CDH18: variants seen among roughly 807,000 people sequenced by gnomAD.
The protein encoded by CDH18 is cadherin 18.
Under a neutral mutation model 67.9 loss-of-function variants are expected in CDH18, and 31 were observed. That is an observed-to-expected ratio of 0.46 (90% confidence interval 0.34 to 0.62). CDH18 has a LOEUF of 0.62. Ranked by LOEUF, CDH18 falls within the 20% of genes least tolerant of loss-of-function variation. CDH18 has a pLI of 0.01. For synonymous variants in CDH18, 362 were observed against 347.2 expected, an observed-to-expected ratio of 1.04 and a Z score of -0.48; for missense variants, 890 against 975.5, an observed-to-expected ratio of 0.91 and a Z score of 1.17.
intron 5 of CDH18, among the ~76,000 whole-genome samples, chr5:19,669,020 C>T (rs1055056278): frequency 2.7e-5 from 4 of 150,446 alleles, no homozygotes; most frequent in Non-Finnish European, 5.9e-5. Flanking sequence ...AACACACACT[C>T]TGTGTCTATG....
intron 2 of CDH18, among the ~76,000 whole-genome samples, chr5:20,009,669 A>G (rs537065966): frequency 1.3e-5 from 2 of 152,290 alleles, no homozygotes; most frequent in East Asian, 1.9e-4. Flanking sequence ...AAAGAGGTTC[A>G]TGATAACAGG....
At chr5:20,517,414 C>A (rs969426011) in intron 1 of CDH18, among the ~76,000 whole-genome samples, 1 of 151,518 alleles carries the variant, frequency 6.6e-6, no homozygotes, top group African/African-American at 2.4e-5. Context: ...GAATAATAAA[C>A]ATTTTAGATA....
At chr5:20,042,497 AT>A (rs953629694) in intron 2 of CDH18, among the ~76,000 whole-genome samples, 6 of 152,042 alleles carry the variant, frequency 3.9e-5, no homozygotes, top group Admixed American at 2.6e-4. Context: ...GTCAGGAGAC[AT>A]TTTTTTTCAC....
intron 2 of CDH18, among the ~76,000 whole-genome samples, chr5:19,942,411 G>A (rs759261219): frequency 3.9e-5 from 6 of 152,176 alleles, no homozygotes; most frequent in Non-Finnish European, 8.8e-5. Flanking sequence ...CCATTTAGAA[G>A]TGTCTCTTTG....
chr5:20,142,665 C>T (rs918569954), intron 2 of CDH18, among the ~76,000 whole-genome samples: 27 of 151,758 alleles, frequency 1.8e-4, no homozygotes, highest in African/African-American at 6.5e-4. Flanking sequence ...TCATTAGTGT[C>T]CTTATAAAAA....
chr5:20,299,531 C>A (rs1308809491), intron 1 of CDH18, among the ~76,000 whole-genome samples: 1 of 151,754 alleles, frequency 6.6e-6, no homozygotes, highest in East Asian at 1.9e-4. Flanking sequence ...GAGCCCGATG[C>A]AGGCAGATCA....
At position 19,873,687 on chromosome 5, in the gene CDH18, G is replaced by A. The variant is rs547106274; in HGVS notation, c.-256-34445C>T. On this transcript the variant is annotated intron_variant, in intron 2 of 12. Coordinates refer to ENST00000382275, the MANE Select transcript of CDH18 (RefSeq NM_004934.5). ...TTTTGAGACAGAGTCTTGCTTTGTC[G>A]CCCAGGCTGGAGTGCAGTGGCACGA... Among the ~76,000 whole-genome samples the A allele has an allele frequency of 1.9e-3, 292 of 151,440 alleles. 1 individual carries two copies. Among genetic ancestry groups the A allele is most frequent in the African/African-American group, 6.5e-3 (268 of 41,230 alleles).
intron 1 of CDH18, among the ~76,000 whole-genome samples, chr5:20,541,750 A>C (rs1187113744): frequency 1.3e-5 from 2 of 152,198 alleles, no homozygotes; most frequent in Non-Finnish European, 1.5e-5. Context: ...GTAACTTTTA[A>C]AAGGAAATAA....
chr5:20,188,182 T>C (rs1404222334), intron 2 of CDH18, among the ~76,000 whole-genome samples: 1 of 151,984 alleles, frequency 6.6e-6, no homozygotes, highest in Admixed American at 6.6e-5. Context: ...TAAAGCCCCA[T>C]TTAATTAAAT....
At chr5:19,516,113 GTTT>G (rs2126867696) in intron 10 of CDH18, among the ~76,000 whole-genome samples, 1 of 152,176 alleles carries the variant, frequency 6.6e-6, no homozygotes, top group South Asian at 2.1e-4. Flanking sequence ...TAATTATGTG[GTTT>G]TTGTCTTTGG....
At chr5:20,479,032 C>T (rs950140343) in intron 1 of CDH18, among the ~76,000 whole-genome samples, 1 of 152,184 alleles carries the variant, frequency 6.6e-6, no homozygotes, top group Admixed American at 6.5e-5. Context: ...GCAAGAGTCA[C>T]AGCAGTACTG....
chr5:19,746,475 T>G (rs1006894444), intron 4 of CDH18, among the ~76,000 whole-genome samples: 2 of 152,232 alleles, frequency 1.3e-5, no homozygotes, highest in Non-Finnish European at 2.9e-5. Flanking sequence ...GTTGTATTGA[T>G]TAATGTAGCA....
intron 2 of CDH18, among the ~76,000 whole-genome samples, chr5:20,164,005 ACAACT>A (rs1486027708): frequency 6.6e-6 from 1 of 150,498 alleles, no homozygotes; most frequent in African/African-American, 2.5e-5. Flanking sequence ...ATATTGATCA[ACAACT>A]CAACAAAGTA....
At chr5:19,826,583 T>TAAAGA (rs1319808069) in intron 3 of CDH18, among the ~76,000 whole-genome samples, 1 of 152,130 alleles carries the variant, frequency 6.6e-6, no homozygotes, top group Non-Finnish European at 1.5e-5. Context: ...TTAGCATTCT[T>TAAAGA]AAAGAAAAGA....
chr5:20,002,510 T>C lies in CDH18; in HGVS notation c.-517-10496A>G, dbSNP rs77609829. Among the ~76,000 whole-genome samples, 1,395 of 152,272 alleles carry C rather than the reference T, an allele frequency of 9.2e-3. 24 individuals are homozygous for C. Among genetic ancestry groups the C allele is most frequent in the African/African-American group, 0.032 (1,318 of 41,564 alleles). ...TACTGCAGGCAATAACTTATGTAATTTACCTCTTAGAGTATGTGATGCATG... is the reference window on the plus strand; with the variant it reads ...TACTGCAGGCAATAACTTATGTAATCTACCTCTTAGAGTATGTGATGCATG... On this transcript the variant is annotated intron_variant, in intron 2 of 14. Transcript: ENST00000507958.
At chr5:20,172,242 A>ACG (rs1736881207) in intron 2 of CDH18, among the ~76,000 whole-genome samples, 1 of 56,700 alleles carries the variant, frequency 1.8e-5, no homozygotes, top group African/African-American at 6.1e-5. Context: ...ATATATATGT[A>ACG]TATATATATA....
intron 2 of CDH18, among the ~76,000 whole-genome samples, chr5:20,033,501 C>T (rs191451745): frequency 1.6e-4 from 25 of 152,160 alleles, no homozygotes; most frequent in African/African-American, 5.3e-4. Context: ...ACATTTCTGC[C>T]TTCTGAATGA....
intron 10 of CDH18, among the ~76,000 whole-genome samples, chr5:19,512,094 T>C (rs894825298): frequency 5.9e-5 from 9 of 152,092 alleles, no homozygotes; most frequent in African/African-American, 2.2e-4. Flanking sequence ...GCTCAGCCCA[T>C]TGCTTCAGAG....
At chr5:19,618,562 A>C (rs1029752108) in intron 5 of CDH18, among the ~76,000 whole-genome samples, 18 of 152,158 alleles carry the variant, frequency 1.2e-4, no homozygotes, top group African/African-American at 3.9e-4. Flanking sequence ...TTTAACATCT[A>C]TTATTTTACA....
Sources: gnomAD v4.1 joint callset for allele counts (sites outside exome capture counted in the v4.1 genomes callset) on GRCh38, gnomAD v4.1.1 for gene constraint, MANE v1.5 for transcripts, NCBI Gene and HGNC (gene_info 2026-07-23, HGNC 2026-07-21) for gene names.